The following DNAH11 variants were observed in gnomAD, a reference collection of about 807,000 sequenced individuals.
The protein encoded by DNAH11 is axonemal beta dynein heavy chain 11.
DNAH11 carries 442 observed loss-of-function variants against 526.0 expected under a neutral mutation model. The ratio of observed to expected loss-of-function variants is 0.84; its 90% CI spans 0.78 to 0.91. The LOEUF (loss-of-function observed/expected upper bound fraction) is 0.91, where lower values mean the gene tolerates loss of function less well. Among genes scored for constraint, DNAH11 ranks in the 40% least tolerant of loss-of-function variants. The pLI, the probability that DNAH11 is intolerant of heterozygous loss-of-function variation, is 0.00. For missense variants in DNAH11, 6,989 were observed against 5,448.7 expected (o/e 1.28, Z -8.90); for synonymous variants, 2,461 against 1,935.9 (o/e 1.27, Z -7.12).
chr7:21,768,028 G>A (rs80169999), intron 55 of DNAH11, among the ~76,000 whole-genome samples: 1,882 of 152,222 alleles, frequency 0.012, 33 homozygotes, highest in African/African-American at 0.043. Flanking sequence ...AGGGGTACGG[G>A]TTGACTGCAT....
rs746063790 is a variant in DNAH11, at chr7:21,704,434, G to T, written c.6274G>T (p.Val2092Leu). ...TTTTATAAAATGTTTTTTTTTCTAG[G>T]TACTCATGAGAGCATTAAGGGATTT... ...RGDKNRPEDQ[V>L]LMRALRDFNM... Residue 2092 changes from valine to leucine, a missense_variant and splice_region_variant, in exon 38 of 82, where the codon GTA becomes TTA. Val to Leu is a conservative substitution (Grantham distance 32). Transcript: ENST00000409508. 12 of 1,609,718 alleles carry T rather than the reference G, an allele frequency of 7.5e-6. No homozygotes were observed. In the South Asian group the frequency reaches 1.2e-4, roughly 16 times the overall value.
At chr7:21,658,380 A>G (rs1004534155) in intron 29 of DNAH11, among the ~76,000 whole-genome samples, 2 of 152,178 alleles carry the variant, frequency 1.3e-5, no homozygotes, top group African/African-American at 4.8e-5. Flanking sequence ...CTGAATTTTT[A>G]TTATTAAAGC....
chr7:21,660,833 C>T (rs1782215430), intron 30 of DNAH11, among the ~76,000 whole-genome samples: 1 of 151,964 alleles, frequency 6.6e-6, no homozygotes, highest in South Asian at 2.1e-4. Context: ...ACATTCCATA[C>T]ATTTATTTGA....
chr7:21,707,398 A>T lies in DNAH11; in HGVS notation c.6547-301A>T, dbSNP rs77480922. ...TTGTAATCAACATAAATGCTTATTT[A>T]TGTATGGTCCTCCACTTTGTACACA... On this transcript the variant is annotated intron_variant, in intron 39 of 81. Transcript: ENST00000409508. Among the ~76,000 whole-genome samples the T allele has an allele frequency of 0.018, 2,668 of 152,354 alleles. 73 individuals carry two copies. Among genetic ancestry groups the T allele is most frequent in the African/African-American group, 0.058 (2,424 of 41,576 alleles).
At chr7:21,810,881 C>T (rs1789486131) in intron 63 of DNAH11, among the ~76,000 whole-genome samples, 1 of 152,068 alleles carries the variant, frequency 6.6e-6, no homozygotes, top group Non-Finnish European at 1.5e-5. Context: ...TAAAGTTTCC[C>T]AAAACCTTAA....
At chr7:21,818,191 T>C in intron 64 of DNAH11, 26 bp from the exon 65 acceptor site, 1 of 1,593,964 alleles carries the variant, frequency 6.3e-7, no homozygotes, top group African/African-American at 1.4e-5. Context: ...TACATTTTAT[T>C]ATCTCAAATC....
chr7:21,606,687 C>T lies in DNAH11; in HGVS notation c.3806C>T (p.Ala1269Val). The change falls in exon 20 of 82, where the codon GCC (alanine) becomes GTC (valine). Residue 1269 changes from alanine (A) to valine (V), a missense_variant. Transcript: ENST00000409508. ...AEFRERFRHYAPLGFNAENPY... is the reference protein window; with the variant it reads ...AEFRERFRHYVPLGFNAENPY... The stretch of plus-strand genomic sequence containing the variant: ...TTCAGAGAGAGATTCAGACACTATG[C>T]CCCTCTTGGATTTAATGCAGAAAAT... 1 of 1,605,504 alleles carries T rather than the reference C, an allele frequency of 6.2e-7. No homozygotes were observed. Among genetic ancestry groups the T allele is most frequent in the Non-Finnish European group, 8.5e-7 (1 of 1,178,150 alleles).
chr7:21,704,341 A>C, intron 37 of DNAH11, 93 bp from the exon 38 acceptor site: 2 of 1,249,916 alleles, frequency 1.6e-6, no homozygotes, highest in Non-Finnish European at 2.2e-6. Context: ...CTCATGCTTC[A>C]CATATGAGGA....
rs569373168 is a variant in DNAH11 at position 21,813,211 on chromosome 7, T to A, written c.10333-3256T>A. Among the ~76,000 whole-genome samples, 16 of 123,952 alleles carry A rather than the reference T, an allele frequency of 1.3e-4. No homozygotes were observed. The South Asian group carries it at 3.4e-3, about 26-fold the overall frequency. The allele number at this position is 123,952 out of a possible 152,430, so 81.3% of individuals were successfully genotyped here. On this transcript the variant is annotated intron_variant, in intron 63 of 81. Coordinates refer to ENST00000409508, the MANE Select transcript of DNAH11 (RefSeq NM_001277115.2). ...CCAAAGTTGTTGTTTGCTGGGCAGA[T>A]GGACAGAGTCATAGGCAAGTTCAAG...
At position 21,681,675 on chromosome 7, in the gene DNAH11, A is replaced by G. The variant is rs1783144440; in HGVS notation, c.5458A>G (p.Lys1820Glu). ...RDVVAKLISQ[K>E]VVSPQAFTWL... is the part of the protein sequence containing the mutation. ...CGTGGTGGCAAAACTTATTTCTCAG[A>G]AGGCAAGTTGTTTGTAGAAATTTTA... The change falls in exon 31 of 82, where the codon AAG (lysine) becomes GAG (glutamate). Residue 1820 changes from lysine to glutamate, a missense_variant and splice_region_variant. Physicochemically the swap from Lys to Glu is moderately conservative, Grantham distance 56 (BLOSUM62 1). Transcript: ENST00000409508. The G allele has an allele frequency of 2.5e-6, 4 of 1,613,886 alleles. No homozygotes were observed. The highest frequency in any genetic ancestry group is 3.4e-6 in the Non-Finnish European group (4 of 1,179,804).
intron 2 of DNAH11, among the ~76,000 whole-genome samples, chr7:21,549,494 A>G (rs959145043): frequency 7.2e-4 from 110 of 152,078 alleles, no homozygotes; most frequent in Non-Finnish European, 1.5e-3. Context: ...TCCCAGGCAA[A>G]TGGGGGGGTT....
intron 44 of DNAH11, among the ~76,000 whole-genome samples, chr7:21,723,369 A>G (rs749461390): frequency 6.6e-6 from 1 of 152,226 alleles, no homozygotes; most frequent in Non-Finnish European, 1.5e-5. Context: ...CCAGGTTCAA[A>G]CAGCAGCGGA....
intron 31 of DNAH11, 130 bp downstream of exon 31, chr7:21,681,807 T>G (rs1583589643): frequency 1.7e-6 from 2 of 1,182,890 alleles, no homozygotes; most frequent in East Asian, 4.7e-5. Flanking sequence ...TGAAAAGTTG[T>G]GTTTGTCTTG....
chr7:21,696,029 C>A (rs1783834475), intron 35 of DNAH11, among the ~76,000 whole-genome samples: 2 of 152,126 alleles, frequency 1.3e-5, no homozygotes, highest in Admixed American at 6.6e-5. Context: ...TAACTTGTAT[C>A]TTCTCTCTCT....
At position 21,871,102 on chromosome 7, in the gene DNAH11, A is replaced by C. The variant is rs79163431; in HGVS notation, c.11967+2111A>C. ...TTCTTACCTAAGCCCCAATGTGATC[A>C]ATTATTATGATTAGATAGAGCCCTC... On this transcript the variant is annotated intron_variant, in intron 73 of 81. Coordinates refer to ENST00000409508, the MANE Select transcript of DNAH11 (RefSeq NM_001277115.2). Among the ~76,000 whole-genome samples the C allele has an allele frequency of 1.5e-3, 226 of 152,348 alleles. 2 individuals carry two copies. Among genetic ancestry groups the C allele is most frequent in the African/African-American group, 5.2e-3 (217 of 41,580 alleles).
chr7:21,846,834 G>A (rs899598646), intron 66 of DNAH11, among the ~76,000 whole-genome samples: 3 of 152,014 alleles, frequency 2.0e-5, no homozygotes, highest in Non-Finnish European at 4.4e-5. Context: ...TCTGGACCTG[G>A]TGCTTTCTGT....
chr7:21,673,351 T>A (rs991263895), intron 30 of DNAH11, among the ~76,000 whole-genome samples: 3 of 152,218 alleles, frequency 2.0e-5, no homozygotes, highest in Admixed American at 2.0e-4. Flanking sequence ...TAATCGTGCC[T>A]ACTTCGTAGA....
chr7:21,827,987 C>T (rs1017557645), intron 65 of DNAH11, among the ~76,000 whole-genome samples: 15 of 150,746 alleles, frequency 1.0e-4, no homozygotes, highest in South Asian at 2.1e-4. Flanking sequence ...CTTGCTCTGT[C>T]GCCCAGGCTG....
chr7:21,792,448 A>AT (rs1583700539), intron 61 of DNAH11, among the ~76,000 whole-genome samples: 1 of 152,050 alleles, frequency 6.6e-6, no homozygotes, highest in East Asian at 1.9e-4. Flanking sequence ...TCCCTCTTCA[A>AT]TTTTTTGAAA....
Sources: gnomAD v4.1 joint callset for allele counts (sites outside exome capture counted in the v4.1 genomes callset) on GRCh38, gnomAD v4.1.1 for gene constraint, MANE v1.5 for transcripts, NCBI Gene and HGNC (gene_info 2026-07-23, HGNC 2026-07-21) for gene names.